SLC39A6: variants seen among roughly 807,000 people sequenced by gnomAD.
SLC39A6 encodes the protein solute carrier family 39 member 6, also known as zinc transporter ZIP6.
A neutral mutation model predicts 63.5 loss-of-function variants in SLC39A6; 51 were observed. The ratio of observed to expected loss-of-function variants is 0.80; its 90% CI spans 0.64 to 1.01. The LOEUF is 1.01. Ranked by LOEUF, SLC39A6 falls within the 50% of genes least tolerant of loss-of-function variation. The probability of loss-of-function intolerance (pLI) is 0.00; values close to 1 mark genes in which losing one functional copy is unlikely to be tolerated. For missense variants in SLC39A6, 805 were observed against 927.8 expected, an observed-to-expected ratio of 0.87 and a Z score of 1.72; for synonymous variants, 318 against 324.7, an observed-to-expected ratio of 0.98 and a Z score of 0.22.
intron 2 of SLC39A6, 84 bp from the exon 3 acceptor site, chr18:36,124,784 C>G: frequency 5.5e-6 from 6 of 1,092,882 alleles, no homozygotes; most frequent in Non-Finnish European, 7.5e-6. Context: ...TTTACTAATG[C>G]TACTTCGTTT....
intron 1 of SLC39A6, among the ~76,000 whole-genome samples, chr18:36,128,694 T>C (rs2144519493): frequency 6.6e-6 from 1 of 152,172 alleles, no homozygotes; most frequent in South Asian, 2.1e-4. Context: ...CGTGGACCCG[T>C]TGAAGGATCT....
intron 5 of SLC39A6, among the ~76,000 whole-genome samples, chr18:36,117,947 C>T (rs771417036): frequency 8.0e-5 from 12 of 150,836 alleles, no homozygotes; most frequent in African/African-American, 1.2e-4. Flanking sequence ...AGGAGAATGG[C>T]GTGAATCTGG....
chr18:36,109,454 A>G lies in SLC39A6; in HGVS notation c.*139T>C. 1 of 598,966 alleles carries G rather than the reference A, an allele frequency of 1.7e-6. No homozygotes were observed. The highest frequency in any genetic ancestry group is 2.9e-6 in the Non-Finnish European group (1 of 350,076). 37.1% of individuals were successfully genotyped at this position (598,966 alleles called of 1,614,324 possible). ...AAAACGTACCTTTAACTGACTTTGT[A>G]ACAGACAGCAATATTCAATACAAAA... On this transcript the variant is annotated 3_prime_UTR_variant, in exon 10 of 10. Coordinates refer to ENST00000269187, the MANE Select transcript of SLC39A6 (RefSeq NM_012319.4).
chr18:36,124,369 T>A, intron 3 of SLC39A6, 151 bp downstream of exon 3: 1 of 477,910 alleles, frequency 2.1e-6, no homozygotes, highest in Non-Finnish European at 3.6e-6. Flanking sequence ...CTAACACCCT[T>A]CCTTGCTTTC....
intron 8 of SLC39A6, 84 bp from the exon 9 acceptor site, chr18:36,111,333 A>C: frequency 7.2e-7 from 1 of 1,384,814 alleles, no homozygotes; most frequent in Non-Finnish European, 9.8e-7. Flanking sequence ...CAGATTTAAG[A>C]AAATTTTCCA....
In SLC39A6 at chr18:36,124,534, T is replaced by C. The variant is rs1481508727; in HGVS notation, c.956A>G (p.Tyr319Cys). 5 of 1,543,954 alleles carry C rather than the reference T, an allele frequency of 3.2e-6. No homozygotes were observed. The highest frequency in any genetic ancestry group is 2.7e-5 in the African/African-American group (2 of 73,982). Residue 319 changes from tyrosine to cysteine, a missense_variant, in exon 3 of 10, where the codon TAT becomes TGT. Tyr to Cys is a radical substitution (Grantham distance 194). Coordinates refer to ENST00000269187, the MANE Select transcript of SLC39A6 (RefSeq NM_012319.4). Reference sequence around the variant, plus strand: ...GGCAATTTTACCTATTTGTAATGAATAGGTCTTTGGAGGGATTTCAGCCTT... The same window carrying C: ...GGCAATTTTACCTATTTGTAATGAACAGGTCTTTGGAGGGATTTCAGCCTT... ...EKKAEIPPKT[Y>C]SLQIAWVGGF...
In SLC39A6 at chr18:36,126,476, C is replaced by T; in HGVS notation, c.532G>A (p.Val178Ile). 1 of 1,614,258 alleles carries T rather than the reference C, an allele frequency of 6.2e-7. No homozygotes were observed. The highest frequency in any genetic ancestry group is 8.5e-7 in the Non-Finnish European group (1 of 1,180,054). The change falls in exon 2 of 10, where the codon GTC becomes ATC. Residue 178 changes from valine to isoleucine, a missense_variant. Physicochemically the swap from Val to Ile is conservative, Grantham distance 29. Around this residue, in one of 4 missense-constraint regions of SLC39A6, gnomAD observed 639 missense variants for 644.0 expected, o/e 0.99. Coordinates refer to ENST00000269187, the MANE Select transcript of SLC39A6 (RefSeq NM_012319.4). ...RPEHASGRRNVKDSVSASEVT... is the reference protein window; with the variant it reads ...RPEHASGRRNIKDSVSASEVT... ...TCACTAGCACTAACACTGTCCTTGA[C>T]ATTCCTTCTACCACTGGCATGTTCT...
At chr18:36,109,808 T>C in intron 9 of SLC39A6, 63 bp from the exon 10 acceptor site, 1 of 1,342,228 alleles carries the variant, frequency 7.5e-7, no homozygotes. Flanking sequence ...CAGATTAGTT[T>C]TTAGAAAAAT....
chr18:36,123,073 T>C (rs181574849), intron 4 of SLC39A6, among the ~76,000 whole-genome samples: 7 of 152,352 alleles, frequency 4.6e-5, no homozygotes, highest in African/African-American at 1.2e-4. Flanking sequence ...GTTTTATGTG[T>C]CATGAAGTGT....
chr18:36,111,763 G>T (rs1342702172), intron 8 of SLC39A6, among the ~76,000 whole-genome samples: 1 of 152,192 alleles, frequency 6.6e-6, no homozygotes, highest in Non-Finnish European at 1.5e-5. Context: ...GGGATTAAAG[G>T]CGTGAGCCAC....
chr18:36,126,916 T>C lies in SLC39A6; in HGVS notation c.92A>G (p.Gln31Arg). 6.2e-7 allele frequency: 1 copy of C among 1,614,178 alleles called. No individual in the cohort carries two copies. The highest frequency in any genetic ancestry group is 8.5e-7 in the Non-Finnish European group (1 of 1,180,020). Residue 31 changes from glutamine to arginine, a missense_variant, in exon 2 of 10, where the codon CAG (glutamine) becomes CGG (arginine). Physicochemically the swap from Gln to Arg is conservative, Grantham distance 43. This residue lies in a region of SLC39A6 where 639 missense variants were observed against 644.0 expected (regional missense o/e 0.99). Coordinates refer to ENST00000269187, the MANE Select transcript of SLC39A6 (RefSeq NM_012319.4). ...LHELKAAAFP[Q>R]TTEKISPNWE... Reference sequence around the variant, plus strand: ...ATTCGGACTAATTTTCTCAGTGGTCTGGGGGAAAGCAGCTGCTTTTAGTTC... The same window carrying C: ...ATTCGGACTAATTTTCTCAGTGGTCCGGGGGAAAGCAGCTGCTTTTAGTTC...
At chr18:36,109,826 A>G in intron 9 of SLC39A6, 81 bp from the exon 10 acceptor site, 2 of 1,082,422 alleles carry the variant, frequency 1.8e-6, no homozygotes, top group African/African-American at 1.6e-5. Flanking sequence ...AATTTATAGG[A>G]CAGTATACTA....
intron 7 of SLC39A6, 129 bp downstream of exon 7, chr18:36,113,968 C>T (rs891605674): frequency 4.1e-5 from 50 of 1,207,662 alleles, no homozygotes; most frequent in Non-Finnish European, 5.0e-5. Flanking sequence ...GAAAAAGTAA[C>T]ATTTTTATAA....
Position 36,114,170 on chromosome 18 carries a change from G to A in SLC39A6, c.1770C>T (p.Ala590=), listed in dbSNP as rs201672119. ...CCATCCAGGCCAGAGTGGCGACGCC[G>A]GCATCTTTCAGCTCCTCCCGAGAGT... ...QRYSREELKD[A]GVATLAWMVI... The change falls in exon 7 of 10, where the codon GCC becomes GCT. Residue 590 remains alanine, a synonymous_variant. Transcript: ENST00000269187. 1.1e-5 allele frequency: 17 copies of A among 1,614,030 alleles called. No individual in the cohort carries two copies. The highest frequency in any genetic ancestry group is 3.3e-5 in the Admixed American group (2 of 59,988).
At chr18:36,116,902 T>G (rs1789503) in intron 5 of SLC39A6, 123 bp from the exon 6 acceptor site, 210,539 of 639,464 alleles carry the variant, frequency 0.33, 35,953 homozygotes, top group Middle Eastern at 0.41. Context: ...CTTAAGTATG[T>G]TCCCACACTA....
chr18:36,111,816 T>C (rs1276621142), intron 8 of SLC39A6, among the ~76,000 whole-genome samples: 1 of 152,228 alleles, frequency 6.6e-6, no homozygotes, highest in Non-Finnish European at 1.5e-5. Context: ...TTTTTAAGGC[T>C]TACACTTTGT....
rs767262978 is a variant in SLC39A6, at chr18:36,123,486, T to C, written c.1140+9A>G. 4 of 1,594,200 alleles carry C rather than the reference T, an allele frequency of 2.5e-6. No homozygotes were observed. The highest frequency in any genetic ancestry group is 2.2e-5 in the East Asian group (1 of 44,450). The stretch of plus-strand genomic sequence containing the variant: ...ATCAAACACTAACAGGACAAATTAC[T>C]ATACTTACATGTGGAAGAAGGTGTA... On this transcript the variant is annotated intron_variant, in intron 4 of 9. Transcript: ENST00000269187.
chr18:36,114,968 T>C (rs1332237079), intron 6 of SLC39A6, among the ~76,000 whole-genome samples: 3 of 152,248 alleles, frequency 2.0e-5, no homozygotes, highest in Non-Finnish European at 4.4e-5. Flanking sequence ...TATTTCATCA[T>C]CACCAAGAAG....
chr18:36,125,298 CAA>C (rs900618441), intron 2 of SLC39A6, among the ~76,000 whole-genome samples: 2 of 141,606 alleles, frequency 1.4e-5, no homozygotes, highest in African/African-American at 5.2e-5. Context: ...AATTAGATGA[CAA>C]ACTTAGTTTG....
Sources: gnomAD v4.1 joint callset for allele counts (sites outside exome capture counted in the v4.1 genomes callset) on GRCh38, gnomAD v4.1.1 for gene constraint, gnomAD v4.1.1 regional missense constraint, MANE v1.5 for transcripts, NCBI Gene and HGNC (gene_info 2026-07-23, HGNC 2026-07-21) for gene names.